The following TANK variants were observed in gnomAD, a reference collection of about 807,000 sequenced individuals.
TANK encodes the protein TRAF family member associated NFKB activator.
A neutral mutation model predicts 43.6 loss-of-function variants in TANK; 15 were observed. The observed-to-expected ratio is 0.34, with a 90% CI of 0.23 to 0.53. TANK has a LOEUF of 0.53. Among genes scored for constraint, TANK ranks in the 20% least tolerant of loss-of-function variants. TANK has a pLI of 0.94. For synonymous variants in TANK, 162 were observed against 178.2 expected (o/e 0.91, Z 0.73); for missense variants, 417 against 498.6 (o/e 0.84, Z 1.56).
At chr2:161,146,949 G>T (rs866812133) in intron 1 of TANK, among the ~76,000 whole-genome samples, 1 of 152,136 alleles carries the variant, frequency 6.6e-6, no homozygotes, top group Admixed American at 6.5e-5. Flanking sequence ...CTGGTCCATG[G>T]AGACCGCAGC....
At position 161,223,982 on chromosome 2, in the gene TANK, T is replaced by C; in HGVS notation, c.395T>C (p.Leu132Pro). 6.3e-7 allele frequency: 1 copy of C among 1,595,026 alleles called. No homozygotes were observed. The highest frequency in any genetic ancestry group is 8.6e-7 in the Non-Finnish European group (1 of 1,167,186). ...TSARSLGSPL[L>P]HERGNIEKTF... is the part of the protein sequence containing the mutation. ...GCAAGGAGTCTTGGCAGTCCTTTGCTCCATGAAAGGTAGTTCTACATCCTT... is the reference window on the plus strand; with the variant it reads ...GCAAGGAGTCTTGGCAGTCCTTTGCCCCATGAAAGGTAGTTCTACATCCTT... The change falls in exon 5 of 8, where the codon CTC becomes CCC. Residue 132 changes from leucine (L) to proline (P), a missense_variant. Transcript: ENST00000392749.
chr2:161,167,765 A>G (rs1486249266), intron 1 of TANK, among the ~76,000 whole-genome samples: 1 of 151,806 alleles, frequency 6.6e-6, no homozygotes, highest in South Asian at 2.1e-4. Flanking sequence ...TGGGACTACA[A>G]ATGCCCGCCA....
chr2:161,189,269 C>T (rs965859225), intron 2 of TANK, among the ~76,000 whole-genome samples: 4 of 152,092 alleles, frequency 2.6e-5, no homozygotes, highest in Non-Finnish European at 4.4e-5. Flanking sequence ...TAATATACCA[C>T]GTTAACAGGA....
At chr2:161,155,983 T>C, upstream of TANK, 1 of 886,920 alleles carries the variant, frequency 1.1e-6, no homozygotes, top group Non-Finnish European at 1.4e-6. Flanking sequence ...ATAGGGCATT[T>C]AATATTGAAA....
At chr2:161,162,132 A>T (rs1267059) in intron 1 of TANK, among the ~76,000 whole-genome samples, 1 of 151,910 alleles carries the variant, frequency 6.6e-6, no homozygotes, top group Non-Finnish European at 1.5e-5. Context: ...TCCTTAATAT[A>T]GTAAATTCTC....
At position 161,154,185 on chromosome 2, in the gene TANK, T is replaced by C. The variant is rs192941162; in HGVS notation, c.-50+17122T>C. ...GTCTTAACCTAGAAAGGAAATCAAG[T>C]GTGGCCTAGCTTAGAATCAGATCAT... On this transcript the variant is annotated intron_variant, in intron 1 of 7. Transcript: ENST00000259075. 2.6e-5 allele frequency among the ~76,000 whole-genome samples: 4 copies of C among 152,238 alleles called. No individual in the cohort carries two copies. In the East Asian group the frequency reaches 7.7e-4, roughly 29 times the overall value.
At chr2:161,179,808 A>T (rs1685339290) in intron 2 of TANK, 47 bp downstream of exon 2, 9 of 1,569,160 alleles carry the variant, frequency 5.7e-6, no homozygotes, top group Non-Finnish European at 7.8e-6. Context: ...TGGTACATGG[A>T]ATTTTAGAGC....
chr2:161,211,734 C>T (rs1478262920), intron 4 of TANK: 1 of 983,342 alleles, frequency 1.0e-6, no homozygotes, highest in African/African-American at 1.7e-5. Flanking sequence ...TTTTATCATA[C>T]AGAAATGGTG....
intron 6 of TANK, among the ~76,000 whole-genome samples, chr2:161,230,758 G>A (rs890429797): frequency 1.3e-5 from 2 of 152,198 alleles, no homozygotes; most frequent in Non-Finnish European, 2.9e-5. Context: ...AGACAAAGTA[G>A]TTAAATTGCG....
intron 4 of TANK, among the ~76,000 whole-genome samples, chr2:161,214,604 A>G (rs961225865): frequency 4.6e-5 from 7 of 151,516 alleles, no homozygotes; most frequent in Non-Finnish European, 1.0e-4. Context: ...CAGCAGTTTT[A>G]TTCATTGTTT....
At chr2:161,209,361 T>C (rs1686782082) in intron 4 of TANK, among the ~76,000 whole-genome samples, 1 of 152,202 alleles carries the variant, frequency 6.6e-6, no homozygotes, top group African/African-American at 2.4e-5. Context: ...TTTTCAGACA[T>C]AGTAACTTAT....
intron 2 of TANK, chr2:161,180,258 T>A: frequency 2.8e-6 from 1 of 361,866 alleles, no homozygotes; most frequent in Non-Finnish European, 3.8e-6. Flanking sequence ...AAATCTTTAA[T>A]GACTTACTAA....
intron 4 of TANK, among the ~76,000 whole-genome samples, chr2:161,211,190 ATGAACT>A (rs1686872291): frequency 2.0e-5 from 3 of 152,348 alleles, no homozygotes; most frequent in Admixed American, 2.0e-4. Context: ...CAGGCAGTAC[ATGAACT>A]TGAACTCTGT....
intron 4 of TANK, among the ~76,000 whole-genome samples, chr2:161,221,075 A>G (rs184727580): frequency 2.0e-5 from 3 of 152,194 alleles, no homozygotes; most frequent in Non-Finnish European, 2.9e-5. Context: ...ACATCTTCCA[A>G]CTGTTTCAGA....
intron 2 of TANK, among the ~76,000 whole-genome samples, chr2:161,183,927 G>A (rs896573584): frequency 6.6e-6 from 1 of 151,964 alleles, no homozygotes; most frequent in Admixed American, 6.6e-5. Context: ...TATTACTATA[G>A]TGTATTTTGT....
chr2:161,211,831 G>A, intron 4 of TANK: 1 of 985,332 alleles, frequency 1.0e-6, no homozygotes, highest in Non-Finnish European at 1.2e-6. Flanking sequence ...AGTACCTCAG[G>A]TACTCCTTGC....
intron 2 of TANK, chr2:161,200,664 A>C (rs953323682): frequency 3.6e-6 from 2 of 558,618 alleles, no homozygotes; most frequent in Admixed American, 1.3e-4. Flanking sequence ...TCTCAAACTT[A>C]GTTTCCCTTT....
chr2:161,160,965 C>A, intron 1 of TANK: 1 of 430,544 alleles, frequency 2.3e-6, no homozygotes, highest in Non-Finnish European at 4.5e-6. Flanking sequence ...GCACAATTCC[C>A]CTCTGCCTTC....
intron 2 of TANK, among the ~76,000 whole-genome samples, chr2:161,198,479 A>G (rs556867728): frequency 6.6e-6 from 1 of 152,304 alleles, no homozygotes; most frequent in African/African-American, 2.4e-5. Context: ...GGGTCTTGGG[A>G]TGGCCCTGCC....
Sources: allele counts gnomAD v4.1 joint callset (sites outside exome capture counted in the v4.1 genomes callset), GRCh38; gene constraint gnomAD v4.1.1; transcripts MANE v1.5; gene names NCBI Gene and HGNC (gene_info 2026-07-23, HGNC 2026-07-21).